The following ARMH4 variants were observed in gnomAD, a reference collection of about 807,000 sequenced individuals.
ARMH4 encodes armadillo-like helical domain-containing protein 4.
ARMH4 carries 49 observed loss-of-function variants against 61.9 expected under a neutral mutation model. That is an observed-to-expected ratio of 0.79 (90% confidence interval 0.63 to 1.00). The LOEUF (loss-of-function observed/expected upper bound fraction) is 1.00. Ranked by LOEUF, ARMH4 falls within the 50% of genes least tolerant of loss-of-function variation. The probability of loss-of-function intolerance (pLI) is 0.00; values close to 1 mark genes in which losing one functional copy is unlikely to be tolerated. For synonymous variants in ARMH4, 368 were observed against 341.5 expected (o/e 1.08, Z -0.85); for missense variants, 934 against 930.0 (o/e 1.00, Z -0.06).
intron 5 of ARMH4, among the ~76,000 whole-genome samples, chr14:58,070,608 T>G (rs1005312148): frequency 1.7e-4 from 26 of 152,216 alleles, no homozygotes; most frequent in Admixed American, 2.6e-4. Context: ...CTGTGTACAA[T>G]TAGGCCTTTC....
chr14:58,142,099 T>C (rs2049332363), intron 1 of ARMH4, among the ~76,000 whole-genome samples: 1 of 152,204 alleles, frequency 6.6e-6, no homozygotes, highest in Admixed American at 6.5e-5. Flanking sequence ...GGGCCTTTTC[T>C]TTTCCCATCA....
At chr14:58,107,120 G>A (rs761033032) in intron 4 of ARMH4, among the ~76,000 whole-genome samples, 6 of 152,132 alleles carry the variant, frequency 3.9e-5, no homozygotes, top group Non-Finnish European at 8.8e-5. Flanking sequence ...TTCTCTAACT[G>A]CATTTTTATC....
At chr14:58,058,765 C>A (rs1884429149) in intron 5 of ARMH4, among the ~76,000 whole-genome samples, 1 of 152,156 alleles carries the variant, frequency 6.6e-6, no homozygotes, top group Non-Finnish European at 1.5e-5. Context: ...GTGACCTGTA[C>A]AGATATTAAT....
chr14:58,079,434 C>A (rs1353607971), intron 5 of ARMH4, among the ~76,000 whole-genome samples: 4 of 152,146 alleles, frequency 2.6e-5, no homozygotes, highest in African/African-American at 9.7e-5. Flanking sequence ...GATAACTAAC[C>A]CACTCCTATG....
At chr14:58,093,613 C>A (rs560488176) in intron 5 of ARMH4, among the ~76,000 whole-genome samples, 174 of 152,268 alleles carry the variant, frequency 1.1e-3, no homozygotes, top group Admixed American at 3.1e-3. Context: ...AAATCCATCA[C>A]AAAGAAGGAA....
intron 5 of ARMH4, among the ~76,000 whole-genome samples, chr14:58,063,078 G>T (rs1202331572): frequency 1.3e-5 from 2 of 152,202 alleles, no homozygotes; most frequent in African/African-American, 2.4e-5. Flanking sequence ...CTCTAGAGGA[G>T]GTAGAGGAGG....
At chr14:58,065,712 T>C (rs1258498221) in intron 5 of ARMH4, among the ~76,000 whole-genome samples, 1 of 152,264 alleles carries the variant, frequency 6.6e-6, no homozygotes, top group East Asian at 1.9e-4. Context: ...GGCCTGTGAC[T>C]TGCTTCTAAT....
chr14:58,099,931 T>A (rs903144824), intron 4 of ARMH4, among the ~76,000 whole-genome samples: 1 of 152,208 alleles, frequency 6.6e-6, no homozygotes, highest in Non-Finnish European at 1.5e-5. Flanking sequence ...ATATTATTCC[T>A]ACCTCACAAG....
rs1209724395 is a variant in ARMH4 at position 58,094,862 on chromosome 14, G to C, written c.2089+1862C>G. Among the ~76,000 whole-genome samples, 3 of 152,204 alleles carry C rather than the reference G, an allele frequency of 2.0e-5. No individual in the cohort carries two copies. The East Asian group carries it at 5.8e-4, about 29-fold the overall frequency. ...TGGAAATGCTCTGCGGCATGATTGT[G>C]ATGGGGGTTGCATGGGTGTATACAA... is the stretch of plus-strand genomic sequence containing the variant. On this transcript the variant is annotated intron_variant, in intron 5 of 7. Transcript: ENST00000267485.
In ARMH4 at chr14:58,096,972, T is replaced by A. The variant is rs1662891122; in HGVS notation, c.1841A>T (p.Glu614Val). 1.9e-6 allele frequency: 3 copies of A among 1,613,548 alleles called. No individual in the cohort carries two copies. Among genetic ancestry groups the A allele is most frequent in the Non-Finnish European group, 2.5e-6 (3 of 1,179,590 alleles). ...TTCTTCATCCTCTTCATCCTCATCTTCTTGTCCCTCTAGGCAAAAAGAAAT... is the reference window on the plus strand; with the variant it reads ...TTCTTCATCCTCTTCATCCTCATCTACTTGTCCCTCTAGGCAAAAAGAAAT... The part of the protein sequence containing the change: ...LDQLESEEGQ[E>V]DEDEEDEEDE... The change falls in exon 5 of 8, where the codon GAA becomes GTA. Residue 614 changes from glutamate (E) to valine (V), a missense_variant. Physicochemically the swap from Glu to Val is moderately radical, Grantham distance 121. Coordinates refer to ENST00000267485, the MANE Select transcript of ARMH4 (RefSeq NM_001001872.4).
At chr14:58,125,014 T>G (rs1886850618) in intron 4 of ARMH4, among the ~76,000 whole-genome samples, 1 of 152,066 alleles carries the variant, frequency 6.6e-6, no homozygotes, top group Non-Finnish European at 1.5e-5. Flanking sequence ...AGGGAACACC[T>G]ATTAAACATC....
At chr14:58,108,220 T>TCA (rs1222295976) in intron 4 of ARMH4, among the ~76,000 whole-genome samples, 8 of 152,300 alleles carry the variant, frequency 5.3e-5, no homozygotes, top group Non-Finnish European at 8.8e-5. Flanking sequence ...ATCCAGCAAC[T>TCA]CACAGTTAAG....
chr14:58,146,349 G>A (rs933796180), intron 1 of ARMH4, among the ~76,000 whole-genome samples: 2 of 152,188 alleles, frequency 1.3e-5, no homozygotes, highest in Admixed American at 6.5e-5. Flanking sequence ...CTCCCACTGC[G>A]TATTTGGATG....
intron 4 of ARMH4, among the ~76,000 whole-genome samples, chr14:58,099,260 C>T (rs1372975515): frequency 1.3e-5 from 2 of 152,110 alleles, no homozygotes. Context: ...CTGAGATTAT[C>T]AAGAAGGTGA....
intron 5 of ARMH4, among the ~76,000 whole-genome samples, chr14:58,066,909 A>G (rs4898956): frequency 0.72 from 110,085 of 152,168 alleles, 42,084 homozygotes; most frequent in Non-Finnish European, 0.86. Flanking sequence ...TAAACAAAAT[A>G]TGGTTACTAC....
At chr14:58,016,706 T>C (rs1882629001) in intron 5 of ARMH4, among the ~76,000 whole-genome samples, 1 of 152,222 alleles carries the variant, frequency 6.6e-6, no homozygotes, top group Non-Finnish European at 1.5e-5. Flanking sequence ...ACAAATTCAC[T>C]CTAATCCCAC....
intron 5 of ARMH4, among the ~76,000 whole-genome samples, chr14:58,039,713 CCTA>C (rs1318673622): frequency 2.0e-5 from 3 of 152,160 alleles, no homozygotes; most frequent in Non-Finnish European, 4.4e-5. Flanking sequence ...ACAAAGTTAA[CCTA>C]CTAGAATTTC....
At chr14:58,101,550 T>C (rs1431197344) in intron 4 of ARMH4, 1 of 152,190 alleles carries the variant, frequency 6.6e-6, no homozygotes, top group Non-Finnish European at 1.5e-5. Flanking sequence ...CTTAACCTTT[T>C]GTCCTTCAAT....
At position 58,049,054 on chromosome 14, in the gene ARMH4, G is replaced by A. The variant is rs191387909; in HGVS notation, c.2090-36904C>T. ...AGATCGAGACCATCCTGGCTAACAT[G>A]GTGAAACCCCATCTCTATTAAAAAC... is the stretch of plus-strand genomic sequence containing the variant. On this transcript the variant is annotated intron_variant, in intron 5 of 7. Transcript: ENST00000267485. Among the ~76,000 whole-genome samples, 664 of 152,076 alleles carry A rather than the reference G, an allele frequency of 4.4e-3. 3 individuals carry two copies. Among genetic ancestry groups the A allele is most frequent in the Non-Finnish European group, 6.5e-3 (441 of 67,982 alleles).
Sources: gnomAD v4.1 joint callset for allele counts (sites outside exome capture counted in the v4.1 genomes callset) on GRCh38, gnomAD v4.1.1 for gene constraint, MANE v1.5 for transcripts, NCBI Gene and HGNC (gene_info 2026-07-23, HGNC 2026-07-21) for gene names.